KAT6B: variants seen among roughly 807,000 people sequenced by gnomAD.
The protein encoded by KAT6B is histone acetyltransferase KAT6B.
A neutral mutation model predicts 187.5 loss-of-function variants in KAT6B; 10 were observed. The ratio of observed to expected loss-of-function variants is 0.05; its 90% CI spans 0.03 to 0.09. The LOEUF (loss-of-function observed/expected upper bound fraction) is 0.09. Ranked by LOEUF, KAT6B falls within the 10% of genes least tolerant of loss-of-function variation. KAT6B has a pLI of 1.00. For missense variants in KAT6B, 1,952 were observed against 2,558.9 expected, an observed-to-expected ratio of 0.76 and a Z score of 5.12; for synonymous variants, 861 against 926.8, an observed-to-expected ratio of 0.93 and a Z score of 1.29.
chr10:74,921,459 G>A (rs1848128574), intron 3 of KAT6B, among the ~76,000 whole-genome samples: 1 of 152,172 alleles, frequency 6.6e-6, no homozygotes, highest in Non-Finnish European at 1.5e-5. Context: ...TGTAGCTCCT[G>A]AGTGTGAACT....
chr10:75,006,348 G>A (rs1329817921), intron 13 of KAT6B, among the ~76,000 whole-genome samples: 1 of 152,184 alleles, frequency 6.6e-6, no homozygotes, highest in Admixed American at 6.5e-5. Flanking sequence ...TTTCTTGAAA[G>A]CTGCAAAAAT....
chr10:74,879,086 G>A (rs2132497666), intron 3 of KAT6B, among the ~76,000 whole-genome samples: 1 of 152,274 alleles, frequency 6.6e-6, no homozygotes, highest in East Asian at 1.9e-4. Context: ...AGGTAGTCTG[G>A]GATGTCAAGA....
intron 13 of KAT6B, among the ~76,000 whole-genome samples, chr10:74,998,404 C>T (rs189826996): frequency 7.2e-5 from 11 of 151,880 alleles, no homozygotes; most frequent in Admixed American, 4.6e-4. Context: ...CTCCCCCAGC[C>T]CCTGATTATA....
rs1253925939 is a variant in KAT6B at position 75,029,298 on chromosome 10, C to G, written c.4474C>G (p.Leu1492Val). 17 of 1,614,024 alleles carry G rather than the reference C, an allele frequency of 1.1e-5. No homozygotes were observed. Among genetic ancestry groups the G allele is most frequent in the African/African-American group, 2.7e-5 (2 of 74,896 alleles). ...TASCNSEPKE[L>V]AGDPEAVPES... ...TTCTTGTAACAGTGAGCCCAAGGAG[C>G]TTGCTGGGGACCCTGAAGCTGTACC... The change falls in exon 18 of 18, where the codon CTT (leucine) becomes GTT (valine). Residue 1492 changes from leucine (L) to valine (V), a missense_variant. Around this residue, in one of 9 missense-constraint regions of KAT6B, gnomAD observed 758 missense variants for 891.4 expected, o/e 0.85. Coordinates refer to ENST00000287239, the MANE Select transcript of KAT6B (RefSeq NM_012330.4). This position sits in a 1 kb window ranked among gnomAD's most constrained non-coding sequence, Gnocchi z 6.2.
chr10:74,913,663 T>C (rs1462789586), intron 3 of KAT6B, among the ~76,000 whole-genome samples: 3 of 152,366 alleles, frequency 2.0e-5, no homozygotes, highest in Admixed American at 6.5e-5. Flanking sequence ...CAACAACTTA[T>C]AGTGTAGAAA....
intron 3 of KAT6B, among the ~76,000 whole-genome samples, chr10:74,921,008 T>G (rs1848069943): frequency 6.6e-6 from 1 of 152,160 alleles, no homozygotes; most frequent in African/African-American, 2.4e-5. Flanking sequence ...AAAATATGTT[T>G]ATAATTATTT....
chr10:74,874,501 C>T (rs1458549296), intron 3 of KAT6B, among the ~76,000 whole-genome samples: 1 of 152,118 alleles, frequency 6.6e-6, no homozygotes, highest in Non-Finnish European at 1.5e-5. Flanking sequence ...GCCTCAGTCT[C>T]CCGAGTAGCC....
intron 3 of KAT6B, among the ~76,000 whole-genome samples, chr10:74,934,554 G>A (rs531046137): frequency 9.9e-5 from 15 of 151,970 alleles, no homozygotes; most frequent in African/African-American, 1.5e-4. Context: ...GGCTGTTCAC[G>A]CCACACATCA....
At chr10:74,951,304 A>AT (rs1317398269) in intron 3 of KAT6B, among the ~76,000 whole-genome samples, 9 of 151,434 alleles carry the variant, frequency 5.9e-5, no homozygotes, top group African/African-American at 2.2e-4. Flanking sequence ...TCATTTTTGT[A>AT]TTTTTTAAGT....
chr10:74,894,432 A>G (rs2132676528), intron 3 of KAT6B, among the ~76,000 whole-genome samples: 1 of 152,306 alleles, frequency 6.6e-6, no homozygotes, highest in African/African-American at 2.4e-5. Flanking sequence ...AAAACCACAT[A>G]ACATTAAATT....
At chr10:74,874,220 T>TAACA (rs1301213566) in intron 3 of KAT6B, among the ~76,000 whole-genome samples, 2 of 152,204 alleles carry the variant, frequency 1.3e-5, no homozygotes, top group Admixed American at 6.5e-5. Flanking sequence ...GGAACTTATG[T>TAACA]TATCACAGAG....
chr10:74,919,762 T>G (rs1288487936), intron 3 of KAT6B, among the ~76,000 whole-genome samples: 4 of 152,228 alleles, frequency 2.6e-5, no homozygotes, highest in Non-Finnish European at 4.4e-5. Flanking sequence ...TTAAAATTTC[T>G]CACTGTATGC....
At chr10:75,003,428 T>C (rs1465128546) in intron 13 of KAT6B, among the ~76,000 whole-genome samples, 2 of 152,206 alleles carry the variant, frequency 1.3e-5, no homozygotes, top group African/African-American at 2.4e-5. Context: ...TAATAAGTTA[T>C]GCTTTTGAAA....
chr10:74,885,049 G>A (rs190623410), intron 3 of KAT6B, among the ~76,000 whole-genome samples: 291 of 152,078 alleles, frequency 1.9e-3, no homozygotes, highest in Non-Finnish European at 3.5e-3. Context: ...TCTTGAAAAT[G>A]TAAATTAATT....
intron 3 of KAT6B, among the ~76,000 whole-genome samples, chr10:74,857,949 A>G (rs1842921291): frequency 6.6e-6 from 1 of 152,100 alleles, no homozygotes; most frequent in Non-Finnish European, 1.5e-5. Context: ...CTGAGTCCAG[A>G]AGTTTGAGGC....
intron 3 of KAT6B, among the ~76,000 whole-genome samples, chr10:74,937,297 C>T (rs140347226): frequency 1.3e-5 from 2 of 152,306 alleles, no homozygotes; most frequent in East Asian, 3.9e-4. Flanking sequence ...TAAAAGCAAG[C>T]TGTTCCACTC....
At chr10:74,996,518 C>T (rs961724232) in intron 13 of KAT6B, among the ~76,000 whole-genome samples, 1 of 151,938 alleles carries the variant, frequency 6.6e-6, no homozygotes, top group Non-Finnish European at 1.5e-5. Context: ...CGCCTGTAAT[C>T]CCAGCACTGT....
intron 13 of KAT6B, among the ~76,000 whole-genome samples, chr10:75,007,861 T>A (rs1844328859): frequency 6.6e-6 from 1 of 152,180 alleles, no homozygotes; most frequent in African/African-American, 2.4e-5. Flanking sequence ...ACTAGTCATG[T>A]TTTAAAGAGA....
Position 74,972,639 on chromosome 10 carries a change from T to C in KAT6B, c.1061T>C (p.Leu354Ser). Residue 354 changes from leucine to serine, a missense_variant and splice_region_variant, in exon 7 of 18, where the codon TTG (leucine) becomes TCG (serine). This residue lies in a region of KAT6B where 417 missense variants were observed against 508.9 expected (regional missense o/e 0.82). Transcript: ENST00000287239. ...RPKNKLKQRL[L>S]SVTSDEGSMN... ...AAAAATAAATTAAAGCAACGATTGT[T>C]GTAGGTTGAGATCTTATCAAAAGAA... 6.2e-7 allele frequency: 1 copy of C among 1,612,758 alleles called. No homozygotes were observed.
Sources: allele counts gnomAD v4.1 joint callset (sites outside exome capture counted in the v4.1 genomes callset), GRCh38; gene constraint gnomAD v4.1.1; regional missense constraint gnomAD v4.1.1; non-coding constraint Gnocchi (gnomAD v3.1); transcripts MANE v1.5; gene names NCBI Gene and HGNC (gene_info 2026-07-23, HGNC 2026-07-21).